VTA1: variants seen among roughly 807,000 people sequenced by gnomAD.
The protein encoded by VTA1 is vesicle trafficking 1.
In VTA1, 24 loss-of-function variants were observed where a neutral mutation model predicts 36.9. The ratio of observed to expected loss-of-function variants is 0.65; its 90% CI spans 0.47 to 0.91. VTA1 has a LOEUF of 0.91. Ranked by LOEUF, VTA1 falls within the 40% of genes least tolerant of loss-of-function variation. The probability of loss-of-function intolerance (pLI) is 0.00; values close to 1 mark genes in which losing one functional copy is unlikely to be tolerated. For missense variants in VTA1, 393 were observed against 377.2 expected, an observed-to-expected ratio of 1.04 and a Z score of -0.35; for synonymous variants, 142 against 130.2, an observed-to-expected ratio of 1.09 and a Z score of -0.62.
intron 5 of VTA1, among the ~76,000 whole-genome samples, chr6:142,197,380 A>G (rs923545327): frequency 8.5e-5 from 13 of 152,318 alleles, no homozygotes; most frequent in Middle Eastern, 3.4e-3. Context: ...AGTAAGATCT[A>G]TTCTCTTTGA....
chr6:142,183,730 T>G (rs764636679), intron 4 of VTA1, among the ~76,000 whole-genome samples: 40 of 152,218 alleles, frequency 2.6e-4, no homozygotes, highest in Non-Finnish European at 5.3e-4. Flanking sequence ...ATCCTTTATT[T>G]TAAAGAAAAC....
intron 1 of VTA1, among the ~76,000 whole-genome samples, chr6:142,149,805 C>T (rs2114625234): frequency 6.6e-6 from 1 of 152,270 alleles, no homozygotes; most frequent in South Asian, 2.1e-4. Flanking sequence ...CTTTCTACAT[C>T]TGTAGATGGG....
intron 7 of VTA1, among the ~76,000 whole-genome samples, chr6:142,204,927 G>GT (rs1333404073): frequency 6.6e-6 from 1 of 151,156 alleles, no homozygotes. Context: ...ATTTCACCAT[G>GT]TTGGCCAGGG....
intron 4 of VTA1, among the ~76,000 whole-genome samples, chr6:142,181,238 AT>A (rs1775232694): frequency 6.9e-6 from 1 of 145,540 alleles, no homozygotes; most frequent in Non-Finnish European, 1.5e-5. Flanking sequence ...GGTTCATGCC[AT>A]TCTCCTGCCT....
At chr6:142,179,852 G>A (rs1376298167) in intron 4 of VTA1, among the ~76,000 whole-genome samples, 1 of 152,112 alleles carries the variant, frequency 6.6e-6, no homozygotes, top group Non-Finnish European at 1.5e-5. Context: ...TTCTAAACCT[G>A]CTTATTCTAT....
intron 4 of VTA1, among the ~76,000 whole-genome samples, chr6:142,186,848 A>G (rs1032993736): frequency 9.9e-5 from 15 of 152,076 alleles, no homozygotes; most frequent in African/African-American, 3.6e-4. Context: ...AGATGGCAGG[A>G]TCATGATGTT....
chr6:142,200,361 T>A (rs537227576), intron 6 of VTA1, among the ~76,000 whole-genome samples: 18 of 152,024 alleles, frequency 1.2e-4, no homozygotes, highest in Admixed American at 5.2e-4. Context: ...GGCAAGTTAA[T>A]GAACACTTAA....
At chr6:142,201,912 T>C in intron 6 of VTA1, among the ~76,000 whole-genome samples, 1 of 152,032 alleles carries the variant, frequency 6.6e-6, no homozygotes. Context: ...AATCACACTT[T>C]CTGGATAGTC....
At chr6:142,206,085 T>G (rs932678807) in intron 7 of VTA1, among the ~76,000 whole-genome samples, 2 of 151,862 alleles carry the variant, frequency 1.3e-5, no homozygotes, top group Non-Finnish European at 2.9e-5. Flanking sequence ...GAAAAAGAAA[T>G]AAAAGCTATA....
chr6:142,201,449 T>A (rs1035423237), intron 6 of VTA1, among the ~76,000 whole-genome samples: 1 of 152,072 alleles, frequency 6.6e-6, no homozygotes, highest in South Asian at 2.1e-4. Flanking sequence ...GGATAGTGAT[T>A]GTTTAAACAG....
chr6:142,169,228 A>C (rs1774982407), intron 2 of VTA1, among the ~76,000 whole-genome samples: 1 of 152,202 alleles, frequency 6.6e-6, no homozygotes, highest in South Asian at 2.1e-4. Context: ...GTAATAAAAC[A>C]TGATTTTGAA....
At chr6:142,186,431 G>A (rs1775341060) in intron 4 of VTA1, among the ~76,000 whole-genome samples, 1 of 152,186 alleles carries the variant, frequency 6.6e-6, no homozygotes, top group African/African-American at 2.4e-5. Context: ...TGAGGAAGGT[G>A]TGGTAGGGGC....
chr6:142,209,388 G>T (rs1305165460), intron 7 of VTA1, among the ~76,000 whole-genome samples: 1 of 149,610 alleles, frequency 6.7e-6, no homozygotes, highest in Non-Finnish European at 1.5e-5. Context: ...TATACACTAT[G>T]TGTATATATT....
Position 142,222,038 on chromosome 6 carries a change from G to A in VTA1, c.*3395G>A, listed in dbSNP as rs1366989098. The A allele has an allele frequency of 6.6e-6, 1 of 151,858 alleles. No individual in the cohort carries two copies. Among genetic ancestry groups the A allele is most frequent in the Non-Finnish European group, 1.5e-5 (1 of 67,978 alleles). The allele number at this position is 151,858 out of a possible 1,614,324, so 9.4% of individuals were successfully genotyped here. On this transcript the variant is annotated 3_prime_UTR_variant, in exon 8 of 8. Coordinates refer to ENST00000367630, the MANE Select transcript of VTA1 (RefSeq NM_016485.5). Reference sequence around the variant, plus strand: ...GATGTCTTAGTCCAGGAGTAGCCTTGGAGGTAATAAAACGGGATTGGTTTC... The same window carrying A: ...GATGTCTTAGTCCAGGAGTAGCCTTAGAGGTAATAAAACGGGATTGGTTTC...
intron 7 of VTA1, among the ~76,000 whole-genome samples, chr6:142,207,984 G>C (rs977044692): frequency 3.3e-5 from 5 of 151,742 alleles, no homozygotes; most frequent in Non-Finnish European, 7.4e-5. Context: ...CTACTTGGGA[G>C]GCTGAGGCAG....
At chr6:142,185,373 T>TA (rs1369391154) in intron 4 of VTA1, among the ~76,000 whole-genome samples, 42 of 149,590 alleles carry the variant, frequency 2.8e-4, no homozygotes, top group Non-Finnish European at 6.0e-4. Context: ...TAAAAGTATG[T>TA]TGAGGTTAAC....
At chr6:142,155,671 G>T (rs1687606158) in intron 1 of VTA1, among the ~76,000 whole-genome samples, 1 of 151,930 alleles carries the variant, frequency 6.6e-6, no homozygotes, top group African/African-American at 2.4e-5. Context: ...AGAACATTAG[G>T]CACTTGGTTG....
At position 142,222,553 on chromosome 6, in the gene VTA1, A is replaced by G. The variant is rs1776130813; in HGVS notation, c.*3910A>G. On this transcript the variant is annotated 3_prime_UTR_variant, in exon 8 of 8. Coordinates refer to ENST00000367630, the MANE Select transcript of VTA1 (RefSeq NM_016485.5). ...AGAAATTTGAGAATTCTATGTATGC[A>G]TTGAAAGATTATATACTGTCTTTTC... 8.6e-6 allele frequency: 1 copy of G among 116,002 alleles called. No homozygotes were observed. The highest frequency in any genetic ancestry group is 2.9e-5 in the African/African-American group (1 of 34,064). 7.2% of individuals were successfully genotyped at this position (116,002 alleles called of 1,614,324 possible).
intron 5 of VTA1, among the ~76,000 whole-genome samples, chr6:142,193,482 A>G (rs1206523016): frequency 6.6e-6 from 1 of 152,080 alleles, no homozygotes; most frequent in African/African-American, 2.4e-5. Context: ...ATGATTTATC[A>G]TTCTTTTTAT....
Sources: gnomAD v4.1 joint callset for allele counts (sites outside exome capture counted in the v4.1 genomes callset) on GRCh38, gnomAD v4.1.1 for gene constraint, MANE v1.5 for transcripts, NCBI Gene and HGNC (gene_info 2026-07-23, HGNC 2026-07-21) for gene names.